Variants in PCDHGB3 observed in about 807,000 individuals in gnomAD.
PCDHGB3 encodes protocadherin gamma subfamily B, 3.
Under a neutral mutation model 59.2 loss-of-function variants are expected in PCDHGB3, and 40 were observed. That is an observed-to-expected ratio of 0.68 (90% CI 0.52 to 0.88). The LOEUF is 0.88. Ranked by LOEUF, PCDHGB3 falls within the 40% of genes least tolerant of loss-of-function variation. PCDHGB3 has a pLI of 0.00. For missense variants in PCDHGB3, 1,309 were observed against 1,187.9 expected, an observed-to-expected ratio of 1.10 and a Z score of -1.50; for synonymous variants, 581 against 503.6, an observed-to-expected ratio of 1.15 and a Z score of -2.06.
At chr5:141,384,179 G>A (rs1252177053) in intron 1 of PCDHGB3, 1 of 1,613,830 alleles carries the variant, frequency 6.2e-7, no homozygotes, top group Middle Eastern at 1.6e-4. Flanking sequence ...GCCACAGATG[G>A]TGGAACTCCT....
chr5:141,486,100 C>G lies in PCDHGB3; in HGVS notation c.2416-8707C>G. Reference sequence around the variant, plus strand: ...AGCTTACTCTTTTGGGGCCCCTAGACTTTGAGAGTGAGAATTACTATGAAT... The same window carrying G: ...AGCTTACTCTTTTGGGGCCCCTAGAGTTTGAGAGTGAGAATTACTATGAAT... On this transcript the variant is annotated intron_variant, in intron 1 of 3. Transcript: ENST00000576222. This position sits in a 1 kb window ranked among gnomAD's most constrained non-coding sequence, Gnocchi z 5.0. 1 of 1,614,190 alleles carries G rather than the reference C, an allele frequency of 6.2e-7. No individual in the cohort carries two copies. The highest frequency in any genetic ancestry group is 1.1e-5 in the South Asian group (1 of 91,086).
intron 1 of PCDHGB3, chr5:141,394,346 C>T: frequency 1.2e-6 from 2 of 1,614,156 alleles, no homozygotes; most frequent in Non-Finnish European, 1.7e-6. Context: ...ACTCTGACAC[C>T]GGTGTCCTGT....
At position 141,371,437 on chromosome 5, in the gene PCDHGB3, C is replaced by A. The variant is rs1330238991; in HGVS notation, c.1043C>A (p.Thr348Asn). 4 of 1,613,962 alleles carry A rather than the reference C, an allele frequency of 2.5e-6. 1 individual carries two copies. The highest frequency in any genetic ancestry group is 1.1e-5 in the South Asian group (1 of 91,078). Residue 348 changes from threonine (T) to asparagine (N), a missense_variant, in exon 1 of 4, where the codon ACC becomes AAC. By Grantham distance (65) the Thr-to-Asn change is moderately conservative (BLOSUM62 0). Coordinates refer to ENST00000576222, the MANE Select transcript of PCDHGB3 (RefSeq NM_018924.5). ...SDENDNAPEITLASESQHIQE... is the reference protein window; with the variant it reads ...SDENDNAPEINLASESQHIQE... ...GAAAATGACAATGCCCCGGAGATAACCCTGGCTTCTGAATCCCAACATATA... is the reference window on the plus strand; with the variant it reads ...GAAAATGACAATGCCCCGGAGATAAACCTGGCTTCTGAATCCCAACATATA...
chr5:141,491,316 T>C lies in PCDHGB3; in HGVS notation c.2416-3491T>C. The C allele has an allele frequency of 3.1e-6, 5 of 1,614,176 alleles. No homozygotes were observed. The highest frequency in any genetic ancestry group is 3.4e-6 in the Non-Finnish European group (4 of 1,180,004). ...CTCCTGAGCGTTCAGACCTTACCCT[T>C]TACCTCATTGTGGCTCTAGCGACCG... is the stretch of plus-strand genomic sequence containing the variant. On this transcript the variant is annotated intron_variant, in intron 1 of 3. Coordinates refer to ENST00000576222, the MANE Select transcript of PCDHGB3 (RefSeq NM_018924.5). The surrounding 1 kb of genome is among the most constrained non-coding windows in gnomAD (Gnocchi z 6.9).
intron 1 of PCDHGB3, chr5:141,400,386 A>G (rs766907172): frequency 5.0e-6 from 8 of 1,614,040 alleles, no homozygotes; most frequent in Non-Finnish European, 5.1e-6. Context: ...TATGTGTTGC[A>G]CATACAGGAA....
At position 141,476,716 on chromosome 5, in the gene PCDHGB3, C is replaced by G; in HGVS notation, c.2416-18091C>G. The G allele has an allele frequency of 6.2e-7, 1 of 1,614,148 alleles. No individual in the cohort carries two copies. On this transcript the variant is annotated intron_variant, in intron 1 of 3. Transcript: ENST00000576222. The surrounding 1 kb of genome is among the most constrained non-coding windows in gnomAD (Gnocchi z 7.6). The stretch of plus-strand genomic sequence containing the variant: ...AGTACGCGGAGCTGGTGTTGGAGCG[C>G]GCCCTGGACCGAGAACGGGAGCCTA...
chr5:141,417,528 A>G, intron 1 of PCDHGB3: 1 of 277,368 alleles, frequency 3.6e-6, no homozygotes, highest in Non-Finnish European at 6.7e-6. Context: ...GTCAACTCGT[A>G]GTTTAAAAAA....
intron 1 of PCDHGB3, chr5:141,415,512 T>G (rs997659180): frequency 3.1e-6 from 5 of 1,614,234 alleles, no homozygotes; most frequent in Non-Finnish European, 4.2e-6. Context: ...AGCCCAATTA[T>G]GCGGACACGC....
rs1266068276 is a variant in PCDHGB3 at position 141,418,847 on chromosome 5, C to T, written c.2415+46038C>T. 1.2e-6 allele frequency: 2 copies of T among 1,613,972 alleles called. No individual in the cohort carries two copies. The highest frequency in any genetic ancestry group is 1.3e-5 in the African/African-American group (1 of 75,054). On this transcript the variant is annotated intron_variant, in intron 1 of 3. Transcript: ENST00000576222. ...AAAAGACCGAGGATCTCTCTCAACACGGTGTAAAGTAATTGTAGAAGTTGT... is the reference window on the plus strand; with the variant it reads ...AAAAGACCGAGGATCTCTCTCAACATGGTGTAAAGTAATTGTAGAAGTTGT...
At chr5:141,508,681 C>T (rs970069) in intron 3 of PCDHGB3, among the ~76,000 whole-genome samples, 26,289 of 151,984 alleles carry the variant, frequency 0.17, 2,539 homozygotes, top group Admixed American at 0.29. Flanking sequence ...CTCCCTTCTC[C>T]CTGCTTCTCC....
Position 141,375,861 on chromosome 5 carries a change from C to A in PCDHGB3, c.2415+3052C>A, listed in dbSNP as rs567912144. 1.5e-5 allele frequency: 24 copies of A among 1,613,986 alleles called. 2 individuals are homozygous for A. In the South Asian group the frequency reaches 2.0e-4, roughly 13 times the overall value. On this transcript the variant is annotated intron_variant, in intron 1 of 3. Coordinates refer to ENST00000576222, the MANE Select transcript of PCDHGB3 (RefSeq NM_018924.5). ...GGCTACCTGGTGACCAAGGTGGTGG[C>A]GGTGGACAGAGACTCGGGCCAGAAC...
At chr5:141,380,354 T>G (rs1776410216) in intron 1 of PCDHGB3, among the ~76,000 whole-genome samples, 1 of 152,154 alleles carries the variant, frequency 6.6e-6, no homozygotes, top group Admixed American at 6.5e-5. Context: ...TTGTTGTTTG[T>G]TTTTTAGAAA....
At position 141,370,980 on chromosome 5, in the gene PCDHGB3, C is replaced by G. The variant is rs1197203581; in HGVS notation, c.586C>G (p.Leu196Val). 8 of 1,613,868 alleles carry G rather than the reference C, an allele frequency of 5.0e-6. No individual in the cohort carries two copies. The highest frequency in any genetic ancestry group is 1.3e-5 in the African/African-American group (1 of 74,930). The change falls in exon 1 of 4, where the codon CTG (leucine) becomes GTG (valine). Residue 196 changes from leucine to valine, a missense_variant. By Grantham distance (32) the Leu-to-Val change is conservative. Coordinates refer to ENST00000576222, the MANE Select transcript of PCDHGB3 (RefSeq NM_018924.5). Reference sequence around the variant, plus strand: ...TGGCAGTAGGTACCCAGAGCTAGTACTGAAAGCACCCCTGGACAGGGAAGA... The same window carrying G: ...TGGCAGTAGGTACCCAGAGCTAGTAGTGAAAGCACCCCTGGACAGGGAAGA... The part of the protein sequence containing the change: ...LDGSRYPELV[L>V]KAPLDREEQP...
chr5:141,414,000 A>C (rs759228883), intron 1 of PCDHGB3: 20 of 1,613,400 alleles, frequency 1.2e-5, no homozygotes, highest in Non-Finnish European at 1.6e-5. Flanking sequence ...ACAGGGACGA[A>C]GGTGCCAATG....
intron 1 of PCDHGB3, among the ~76,000 whole-genome samples, chr5:141,450,830 T>TTTA (rs1554136905): frequency 6.9e-5 from 7 of 101,548 alleles, no homozygotes; most frequent in East Asian, 2.6e-4. Flanking sequence ...ATTATTATTA[T>TTTA]TTTTTTTTTT....
At chr5:141,397,896 C>G (rs371654961) in intron 1 of PCDHGB3, 48 of 650,728 alleles carry the variant, frequency 7.4e-5, no homozygotes, top group African/African-American at 2.0e-4. Flanking sequence ...GGCCAAAGTG[C>G]AGAGCTTGGC....
intron 1 of PCDHGB3, chr5:141,409,280 T>C (rs1277414418): frequency 6.2e-7 from 1 of 1,613,904 alleles, no homozygotes; most frequent in Non-Finnish European, 8.5e-7. Context: ...TTTGGAGAAT[T>C]CACCTCCAGG....
chr5:141,423,525 G>A (rs1014975146), intron 1 of PCDHGB3: 8 of 1,613,710 alleles, frequency 5.0e-6, no homozygotes, highest in African/African-American at 2.7e-5. Context: ...ACTCGCAGAA[G>A]AGTCACCTGA....
intron 1 of PCDHGB3, among the ~76,000 whole-genome samples, chr5:141,386,303 T>G (rs938709302): frequency 6.6e-6 from 1 of 152,202 alleles, no homozygotes; most frequent in Non-Finnish European, 1.5e-5. Context: ...TTAGTAAAGC[T>G]CAGTATATCA....
Sources: gnomAD v4.1 joint callset for allele counts (sites outside exome capture counted in the v4.1 genomes callset) on GRCh38, gnomAD v4.1.1 for gene constraint, Gnocchi (gnomAD v3.1) non-coding constraint, MANE v1.5 for transcripts, NCBI Gene and HGNC (gene_info 2026-07-23, HGNC 2026-07-21) for gene names.